The following ADAM33 variants were observed in gnomAD, a reference collection of about 807,000 sequenced individuals.
ADAM33 encodes disintegrin and metalloproteinase domain-containing protein 33.
A neutral mutation model predicts 106.2 loss-of-function variants in ADAM33; 103 were observed. That is an observed-to-expected ratio of 0.97 (90% CI 0.83 to 1.14). The LOEUF is 1.14. Ranked by LOEUF, ADAM33 falls within the 50% of genes most tolerant of loss-of-function variation. ADAM33 has a pLI of 0.00. For synonymous variants in ADAM33, 483 were observed against 453.0 expected, an observed-to-expected ratio of 1.07 and a Z score of -0.84; for missense variants, 1,120 against 1,096.6, an observed-to-expected ratio of 1.02 and a Z score of -0.30.
Position 3,675,153 on chromosome 20 carries a change from T to C in ADAM33, c.255-48A>G, listed in dbSNP as rs778853251. The C allele has an allele frequency of 7.0e-7, 1 of 1,428,474 alleles. No individual in the cohort carries two copies. Among genetic ancestry groups the C allele is most frequent in the South Asian group, 1.2e-5 (1 of 82,946 alleles). 88.5% of individuals were successfully genotyped at this position (1,428,474 alleles called of 1,614,324 possible). ...ACACTGAATTCAGCTTCCTCCTGCC[T>C]CCTCCAGGATGTCTCCCAGCCTTCC... is the stretch of plus-strand genomic sequence containing the variant. On this transcript the variant is annotated intron_variant, in intron 3 of 21. Transcript: ENST00000356518. This position sits in a 1 kb window ranked among gnomAD's most constrained non-coding sequence, Gnocchi z 4.1.
chr20:3,680,828 C>T (rs913337511), intron 1 of ADAM33, among the ~76,000 whole-genome samples: 2 of 152,158 alleles, frequency 1.3e-5, no homozygotes, highest in Non-Finnish European at 2.9e-5. Context: ...CACGTGCTGG[C>T]CACGGGCACC....
intron 3 of ADAM33, among the ~76,000 whole-genome samples, chr20:3,676,784 A>AT (rs2088002400): frequency 6.6e-6 from 1 of 152,080 alleles, no homozygotes; most frequent in Non-Finnish European, 1.5e-5. Flanking sequence ...TAGACTCAGC[A>AT]TATCTTGCAA....
At position 3,674,756 on chromosome 20, in the gene ADAM33, C is replaced by T. The variant is rs1245389943; in HGVS notation, c.410+17G>A. 6 of 1,599,836 alleles carry T rather than the reference C, an allele frequency of 3.8e-6. No homozygotes were observed. Among genetic ancestry groups the T allele is most frequent in the Non-Finnish European group, 4.3e-6 (5 of 1,172,994 alleles). ...TCTTTCCCCATCCCAGGCCCAGCCTCCTCTCCCAGAGCTCACCTCATCCCA... is the reference window on the plus strand; with the variant it reads ...TCTTTCCCCATCCCAGGCCCAGCCTTCTCTCCCAGAGCTCACCTCATCCCA... On this transcript the variant is annotated intron_variant, in intron 5 of 21. Transcript: ENST00000356518.
chr20:3,671,347 T>C lies in ADAM33; in HGVS notation c.1984-2A>G. ...GCAGTTATGGTTGCTATTGCAAACC[T>C]GCAGAGAAGAGAAGAGGAGGGTCAC... On this transcript the variant is annotated splice_acceptor_variant, in intron 17 of 21. Coordinates refer to ENST00000356518, the MANE Select transcript of ADAM33 (RefSeq NM_025220.5). LOFTEE classifies it high-confidence loss of function. 3 of 1,613,510 alleles carry C rather than the reference T, an allele frequency of 1.9e-6. No individual in the cohort carries two copies. The highest frequency in any genetic ancestry group is 2.2e-5 in the South Asian group (2 of 91,080).
At chr20:3,671,800 G>T in intron 15 of ADAM33, 21 bp from the exon 16 acceptor site, 1 of 1,553,868 alleles carries the variant, frequency 6.4e-7, no homozygotes, top group Non-Finnish European at 8.7e-7. Flanking sequence ...AGTAGAGGGG[G>T]GTCAACAGCT....
Position 3,669,596 on chromosome 20 carries a change from A to C in ADAM33, c.2282T>G (p.Val761Gly). ...GPHRDHPLGG[V>G]HPMELGPTAT... The stretch of plus-strand genomic sequence containing the variant: ...TGTGGGGCCCAACTCCATGGGGTGA[A>C]CGCCGCCCAGGGGGTGGTCCCTGTG... The change falls in exon 20 of 22, where the codon GTT (valine) becomes GGT (glycine). Residue 761 changes from valine (V) to glycine (G), a missense_variant. Val to Gly is a moderately radical substitution (Grantham distance 109, BLOSUM62 -3). Coordinates refer to ENST00000356518, the MANE Select transcript of ADAM33 (RefSeq NM_025220.5). 1.2e-6 allele frequency: 2 copies of C among 1,603,666 alleles called. No homozygotes were observed. The highest frequency in any genetic ancestry group is 1.7e-6 in the Non-Finnish European group (2 of 1,176,244).
chr20:3,679,389 G>T (rs1052344238), intron 2 of ADAM33, 103 bp downstream of exon 2: 4 of 1,232,274 alleles, frequency 3.2e-6, no homozygotes, highest in Non-Finnish European at 4.6e-6. Flanking sequence ...GTGACTTGGT[G>T]GTTCTGGGGA....
At position 3,672,587 on chromosome 20, in the gene ADAM33, G is replaced by A. The variant is rs1186759937; in HGVS notation, c.1351C>T (p.Leu451=). The change falls in exon 13 of 22, where the codon CTG becomes TTG. Residue 451 remains leucine (L), a synonymous_variant. Coordinates refer to ENST00000356518, the MANE Select transcript of ADAM33 (RefSeq NM_025220.5). ...TGGGCGCACTGGGCCCCCGGGCGCA[G>A]CGAGCAGTTGTGAGCAAAGCAGCAG... The part of the protein sequence containing the change: ...DLCCFAHNCS[L]RPGAQCAHGD... The A allele has an allele frequency of 1.9e-6, 3 of 1,613,474 alleles. No individual in the cohort carries two copies. The East Asian group carries it at 6.7e-5, about 36-fold the overall frequency.
Position 3,671,046 on chromosome 20 carries a change from G to A in ADAM33, c.2200C>T (p.Arg734Ter), listed in dbSNP as rs763862482. 3.7e-5 allele frequency: 58 copies of A among 1,561,206 alleles called. No homozygotes were observed. The highest frequency in any genetic ancestry group is 4.8e-5 in the Non-Finnish European group (55 of 1,153,358). The change falls in exon 19 of 22, where the codon CGA becomes TGA. Residue 734 changes from arginine to a stop codon, truncating the protein, a stop_gained. Transcript: ENST00000356518. LOFTEE classifies it high-confidence loss of function. ...TCCCTTCTGCAGCCCCAGCTGCATCGCTGCAGATGGGCTCCTGGGAGTCGG... is the reference window on the plus strand; with the variant it reads ...TCCCTTCTGCAGCCCCAGCTGCATCACTGCAGATGGGCTCCTGGGAGTCGG... Reference protein sequence around the residue: ...CYRLPGAHLQRCSWGCRRDPA... With the variant: ...CYRLPGAHLQ
rs1186508426 is a variant in ADAM33 at position 3,669,605 on chromosome 20, A to AG, written c.2272dup (p.Leu758ProfsTer23). 3 of 1,603,444 alleles carry AG rather than the reference A, an allele frequency of 1.9e-6. No homozygotes were observed. The highest frequency in any genetic ancestry group is 2.6e-6 in the Non-Finnish European group (3 of 1,176,126). On this transcript the variant is annotated frameshift_variant, in exon 20 of 22. Transcript: ENST00000356518. LOFTEE classifies it high-confidence loss of function. Reference sequence around the variant, plus strand: ...CAACTCCATGGGGTGAACGCCGCCCAGGGGGTGGTCCCTGTGTGGGCCATC... The same window carrying AG: ...CAACTCCATGGGGTGAACGCCGCCCAGGGGGGTGGTCCCTGTGTGGGCCATC...
chr20:3,672,241 G>A lies in ADAM33; in HGVS notation c.1490C>T (p.Pro497Leu), dbSNP rs1352578911. Residue 497 changes from proline to leucine, a missense_variant, in exon 14 of 22, where the codon CCA (proline) becomes CTA (leucine). Pro to Leu is a moderately conservative substitution (Grantham distance 98). Coordinates refer to ENST00000356518, the MANE Select transcript of ADAM33 (RefSeq NM_025220.5). ...FCTGTSSHCP[P>L]DVYLLDGSPC... is the part of the protein sequence containing the mutation. ...TGAGCCGTCCAGTAGGTAAACGTCT[G>A]GGGGACAGTGGGAGGAGGTGCCCGT... 6.2e-7 allele frequency: 1 copy of A among 1,613,428 alleles called. No individual in the cohort carries two copies. The highest frequency in any genetic ancestry group is 1.3e-5 in the African/African-American group (1 of 75,064).
chr20:3,673,092 A>G (rs1205357020), intron 11 of ADAM33, 194 bp from the exon 12 acceptor site: 21 of 1,451,814 alleles, frequency 1.4e-5, no homozygotes, highest in Non-Finnish European at 1.9e-5. Context: ...CCGGGACCCA[A>G]GGTGGAATCG....
intron 2 of ADAM33, among the ~76,000 whole-genome samples, chr20:3,678,553 C>T (rs529125069): frequency 2.0e-5 from 3 of 152,196 alleles, no homozygotes; most frequent in African/African-American, 7.2e-5. Context: ...CAGTGAGGGC[C>T]CTGGGTTGGG....
rs2087689802 is a variant in ADAM33, at chr20:3,673,356, G to A, written c.1131C>T (p.Thr377=). 2.6e-6 allele frequency: 4 copies of A among 1,538,710 alleles called. No individual in the cohort carries two copies. Among genetic ancestry groups the A allele is most frequent in the Non-Finnish European group, 3.5e-6 (4 of 1,148,720 alleles). Residue 377 remains threonine (T), a splice_region_variant and synonymous_variant, in exon 11 of 22, where the codon ACC becomes ACT. Transcript: ENST00000356518. ...GCCCCGACCCCCCACCCGCGTACCC[G>A]GTGGCCGCAGCCATGACGCAGCCTC... is the stretch of plus-strand genomic sequence containing the variant. The part of the protein sequence containing the change: ...ESGGCVMAAA[T]GHPFPRVFSA...
rs769362525 is a variant in ADAM33 at position 3,672,169 on chromosome 20, G to A, written c.1562C>T (p.Thr521Met). The A allele has an allele frequency of 7.4e-6, 12 of 1,613,102 alleles. No individual in the cohort carries two copies. Among genetic ancestry groups the A allele is most frequent in the Non-Finnish European group, 1.0e-5 (12 of 1,179,916 alleles). The change falls in exon 14 of 22, where the codon ACG becomes ATG. Residue 521 changes from threonine to methionine, a missense_variant. By Grantham distance (81) the Thr-to-Met change is moderately conservative. Coordinates refer to ENST00000356518, the MANE Select transcript of ADAM33 (RefSeq NM_025220.5). ...SGYCWDGACP[T>M]LEQQCQQLWG... ...GAGCTGCTGGCACTGCTGCTCCAGC[G>A]TGGGACATGCGCCATCCCAGCAGTA...
At chr20:3,673,706 G>GCCCCA (rs2087729776) in intron 9 of ADAM33, 39 bp downstream of exon 9, 1 of 1,368,710 alleles carries the variant, frequency 7.3e-7, no homozygotes, top group South Asian at 1.7e-5. Context: ...AGGTGAGGCC[G>GCCCCA]CCCCACCCGG....
rs1354748436 is a variant in ADAM33 at position 3,673,816 on chromosome 20, C to A, written c.834G>T (p.Thr278=). The change falls in exon 9 of 22, where the codon ACG becomes ACT. Residue 278 remains threonine (T), a synonymous_variant. Transcript: ENST00000356518. ...GGCGCCACTGCAGGAAGGCCCAGAG[C>A]GTGGCGTTGGCGTCCTGCGTGACGC... ...RSRVTQDANA[T]LWAFLQWRRG... is the part of the protein sequence containing the mutation. 1.3e-6 allele frequency: 2 copies of A among 1,549,566 alleles called. No individual in the cohort carries two copies. Among genetic ancestry groups the A allele is most frequent in the Non-Finnish European group, 1.7e-6 (2 of 1,154,730 alleles).
chr20:3,678,383 T>C (rs1473838469), intron 2 of ADAM33, among the ~76,000 whole-genome samples: 1 of 152,030 alleles, frequency 6.6e-6, no homozygotes, highest in African/African-American at 2.4e-5. Context: ...GCTCTCCTCT[T>C]GGTCACAGCC....
At chr20:3,681,756 C>G (rs1459492273) in intron 1 of ADAM33, 152 bp downstream of exon 1, 7 of 1,257,482 alleles carry the variant, frequency 5.6e-6, no homozygotes, top group Admixed American at 3.6e-5. Context: ...GGAGACCCCC[C>G]CAAAGAGTCC....
Sources: gnomAD v4.1 joint callset for allele counts (sites outside exome capture counted in the v4.1 genomes callset) on GRCh38, gnomAD v4.1.1 for gene constraint, Gnocchi (gnomAD v3.1) non-coding constraint, MANE v1.5 for transcripts, NCBI Gene and HGNC (gene_info 2026-07-23, HGNC 2026-07-21) for gene names.